The following LRRTM4 variants were observed in gnomAD, a reference collection of about 807,000 sequenced individuals.
The protein encoded by LRRTM4 is leucine-rich repeat transmembrane neuronal protein 4.
Under a neutral mutation model 47.6 loss-of-function variants are expected in LRRTM4, and 25 were observed. The observed-to-expected ratio is 0.53, with a 90% CI of 0.38 to 0.73. LRRTM4 has a LOEUF of 0.73. Among genes scored for constraint, LRRTM4 ranks in the 30% least tolerant of loss-of-function variants. The pLI, the probability that LRRTM4 is intolerant of heterozygous loss-of-function variation, is 0.00. For synonymous variants in LRRTM4, 311 were observed against 269.5 expected, an observed-to-expected ratio of 1.15 and a Z score of -1.51; for missense variants, 638 against 713.4, an observed-to-expected ratio of 0.89 and a Z score of 1.20.
intron 3 of LRRTM4, among the ~76,000 whole-genome samples, chr2:77,249,306 C>T (rs895719150): frequency 8.6e-5 from 13 of 151,874 alleles, no homozygotes; most frequent in East Asian, 1.9e-4. Flanking sequence ...GCCGATATTA[C>T]GCCATTACAC....
intron 3 of LRRTM4, among the ~76,000 whole-genome samples, chr2:77,026,826 A>C (rs1483983912): frequency 1.3e-5 from 2 of 152,162 alleles, no homozygotes; most frequent in Non-Finnish European, 2.9e-5. Flanking sequence ...ACATGTATTC[A>C]AAAGAAGACT....
intron 3 of LRRTM4, among the ~76,000 whole-genome samples, chr2:77,000,884 C>A (rs916227677): frequency 2.6e-5 from 4 of 152,166 alleles, no homozygotes; most frequent in African/African-American, 9.6e-5. Flanking sequence ...CACCTTGATT[C>A]TTGTACACTG....
intron 3 of LRRTM4, among the ~76,000 whole-genome samples, chr2:76,884,608 T>C (rs1673018650): frequency 6.6e-6 from 1 of 152,284 alleles, no homozygotes; most frequent in African/African-American, 2.4e-5. Flanking sequence ...TTAATATGTG[T>C]ATATAAATAA....
intron 3 of LRRTM4, among the ~76,000 whole-genome samples, chr2:76,880,205 C>T (rs1156996525): frequency 6.6e-6 from 1 of 152,162 alleles, no homozygotes; most frequent in Non-Finnish European, 1.5e-5. Flanking sequence ...GCGGGTACAG[C>T]ATCACATGCC....
intron 3 of LRRTM4, among the ~76,000 whole-genome samples, chr2:76,916,434 G>C (rs1351390432): frequency 6.8e-6 from 1 of 146,622 alleles, no homozygotes; most frequent in South Asian, 2.2e-4. Context: ...TGTATGGTCA[G>C]GAAAAATTGT....
intron 3 of LRRTM4, among the ~76,000 whole-genome samples, chr2:77,015,154 G>C (rs1476287898): frequency 2.0e-5 from 3 of 151,994 alleles, no homozygotes; most frequent in African/African-American, 2.4e-5. Context: ...TAGCAGCTTT[G>C]CTTATATCCA....
At chr2:77,052,820 A>G (rs912019199) in intron 3 of LRRTM4, among the ~76,000 whole-genome samples, 7 of 152,072 alleles carry the variant, frequency 4.6e-5, no homozygotes. Flanking sequence ...GAATTTTTTT[A>G]AAAAACAGTG....
intron 3 of LRRTM4, among the ~76,000 whole-genome samples, chr2:76,921,364 A>G (rs1048072132): frequency 4.6e-5 from 7 of 152,096 alleles, no homozygotes; most frequent in Non-Finnish European, 8.8e-5. Context: ...TGCTATTAAG[A>G]TGACTAATTG....
chr2:77,034,049 C>A (rs1174321927), intron 3 of LRRTM4, among the ~76,000 whole-genome samples: 6 of 151,436 alleles, frequency 4.0e-5, no homozygotes, highest in Non-Finnish European at 8.9e-5. Context: ...CTGGAAAAAA[C>A]CATAAAGGTT....
At chr2:76,801,706 TG>T (rs1385724749) in intron 3 of LRRTM4, among the ~76,000 whole-genome samples, 1 of 151,424 alleles carries the variant, frequency 6.6e-6, no homozygotes, top group African/African-American at 2.4e-5. Flanking sequence ...CTGGTGAACA[TG>T]TATGAAAAAT....
At position 77,521,698 on chromosome 2, in the gene LRRTM4, C is replaced by T. The variant is rs1164363681; in HGVS notation, c.-27G>A. On this transcript the variant is annotated 5_prime_UTR_variant, in exon 2 of 4. Transcript: ENST00000409884. ...CTTTGTCATCCAAAAACGTTTCCCC[C>T]CTCTCTCAGCTTTCTTCTTATTTGG... 3.1e-6 allele frequency: 5 copies of T among 1,611,728 alleles called. No homozygotes were observed. The Admixed American group carries it at 6.7e-5, about 22-fold the overall frequency.
intron 3 of LRRTM4, among the ~76,000 whole-genome samples, chr2:77,305,218 CTG>C (rs1358555949): frequency 6.6e-5 from 10 of 151,998 alleles, no homozygotes; most frequent in African/African-American, 1.2e-4. Flanking sequence ...ATCTAGTTTT[CTG>C]TGTTGATATA....
At chr2:76,910,985 G>C (rs1209639970) in intron 3 of LRRTM4, among the ~76,000 whole-genome samples, 1 of 152,166 alleles carries the variant, frequency 6.6e-6, no homozygotes, top group African/African-American at 2.4e-5. Flanking sequence ...GTGGATTGCT[G>C]AACACTAATG....
intron 3 of LRRTM4, among the ~76,000 whole-genome samples, chr2:77,203,676 G>A (rs1378517574): frequency 6.6e-6 from 1 of 152,182 alleles, no homozygotes; most frequent in East Asian, 1.9e-4. Context: ...AAGCTCTGGA[G>A]AGTGTATAGA....
intron 3 of LRRTM4, among the ~76,000 whole-genome samples, chr2:77,513,068 G>C (rs548007576): frequency 2.4e-4 from 36 of 152,240 alleles, no homozygotes; most frequent in African/African-American, 8.7e-4. Flanking sequence ...TTAAAAAGCA[G>C]ACATAGTTTT....
intron 3 of LRRTM4, among the ~76,000 whole-genome samples, chr2:77,165,624 C>T (rs1274047617): frequency 6.6e-6 from 1 of 152,186 alleles, no homozygotes; most frequent in African/African-American, 2.4e-5. Flanking sequence ...ATCAAGTGGG[C>T]TTCATCCCTG....
intron 3 of LRRTM4, among the ~76,000 whole-genome samples, chr2:76,866,011 G>C (rs1462675122): frequency 6.6e-6 from 1 of 151,994 alleles, no homozygotes; most frequent in Non-Finnish European, 1.5e-5. Flanking sequence ...CCCCACATAA[G>C]ATTTACTCAG....
intron 3 of LRRTM4, among the ~76,000 whole-genome samples, chr2:77,424,415 T>C (rs1675027081): frequency 7.1e-6 from 1 of 141,052 alleles, no homozygotes; most frequent in Admixed American, 7.0e-5. Context: ...TTTTTCATAA[T>C]ATACTCCATT....
chr2:76,906,405 A>C (rs1673841005), intron 3 of LRRTM4, among the ~76,000 whole-genome samples: 1 of 152,190 alleles, frequency 6.6e-6, no homozygotes, highest in African/African-American at 2.4e-5. Flanking sequence ...CCAAATTGTA[A>C]AGACCATCGA....
Sources: gnomAD v4.1 joint callset for allele counts (sites outside exome capture counted in the v4.1 genomes callset) on GRCh38, gnomAD v4.1.1 for gene constraint, MANE v1.5 for transcripts, NCBI Gene and HGNC (gene_info 2026-07-23, HGNC 2026-07-21) for gene names.